IPPK: variants seen among roughly 807,000 people sequenced by gnomAD.
IPPK encodes IPK1 homolog.
Under a neutral mutation model 64.6 loss-of-function variants are expected in IPPK, and 22 were observed. The observed-to-expected ratio is 0.34, with a 90% CI of 0.24 to 0.49. The LOEUF (loss-of-function observed/expected upper bound fraction) is 0.49, where lower values mean the gene tolerates loss of function less well. Among genes scored for constraint, IPPK ranks in the 20% least tolerant of loss-of-function variants. IPPK has a pLI of 0.99. For synonymous variants in IPPK, 262 were observed against 247.2 expected, an observed-to-expected ratio of 1.06 and a Z score of -0.56; for missense variants, 532 against 630.7, an observed-to-expected ratio of 0.84 and a Z score of 1.68.
intron 1 of IPPK, among the ~76,000 whole-genome samples, chr9:92,661,320 A>G (rs1246703936): frequency 6.6e-6 from 1 of 152,230 alleles, no homozygotes; most frequent in Non-Finnish European, 1.5e-5. Context: ...TGTGGGGTGA[A>G]GCCAAGTTTA....
intron 8 of IPPK, among the ~76,000 whole-genome samples, chr9:92,639,398 A>C (rs977251257): frequency 6.6e-6 from 1 of 152,202 alleles, no homozygotes; most frequent in Non-Finnish European, 1.5e-5. Flanking sequence ...GCTGGCTTTC[A>C]ATACTGAACC....
At chr9:92,668,026 T>C (rs1852636840) in intron 1 of IPPK, among the ~76,000 whole-genome samples, 2 of 151,446 alleles carry the variant, frequency 1.3e-5, no homozygotes, top group African/African-American at 2.4e-5. Context: ...TCCCAGCACT[T>C]TGGGAGGCTG....
intron 1 of IPPK, among the ~76,000 whole-genome samples, chr9:92,660,679 G>A (rs1852464883): frequency 6.6e-6 from 1 of 152,140 alleles, no homozygotes; most frequent in Non-Finnish European, 1.5e-5. Flanking sequence ...AAGAACACAG[G>A]ACCCCCCTCC....
At chr9:92,642,722 C>G in intron 7 of IPPK, 30 bp downstream of exon 7, 1 of 1,607,640 alleles carries the variant, frequency 6.2e-7, no homozygotes, top group East Asian at 2.2e-5. Flanking sequence ...GAACCTGACA[C>G]AAGGGGGCAA....
intron 1 of IPPK, among the ~76,000 whole-genome samples, chr9:92,660,874 T>C (rs1341839214): frequency 6.6e-6 from 1 of 152,206 alleles, no homozygotes; most frequent in Non-Finnish European, 1.5e-5. Flanking sequence ...AGAAAGCCAT[T>C]ATCTGGCTTA....
At chr9:92,651,074 C>T (rs367997120) in intron 4 of IPPK, among the ~76,000 whole-genome samples, 60 of 152,262 alleles carry the variant, frequency 3.9e-4, no homozygotes, top group African/African-American at 1.4e-3. Flanking sequence ...CTGCATTCAC[C>T]GAGAGGAAGA....
intron 4 of IPPK, among the ~76,000 whole-genome samples, chr9:92,650,631 T>G (rs1251403471): frequency 6.6e-6 from 1 of 152,146 alleles, no homozygotes; most frequent in African/African-American, 2.4e-5. Context: ...CCTTGGCTGG[T>G]CCCATCTTTA....
At chr9:92,651,517 T>C (rs1564037982) in intron 4 of IPPK, among the ~76,000 whole-genome samples, 2 of 152,206 alleles carry the variant, frequency 1.3e-5, no homozygotes, top group Admixed American at 6.5e-5. Context: ...GACACAGACC[T>C]AGCCTAGACT....
chr9:92,649,599 C>T (rs1354443732), intron 4 of IPPK, 25 bp from the exon 5 acceptor site: 1 of 1,612,954 alleles, frequency 6.2e-7, no homozygotes, highest in African/African-American at 1.3e-5. Context: ...AAGGGTCACA[C>T]AGAGCAAGGT....
chr9:92,627,848 G>A (rs1280584125), intron 11 of IPPK, among the ~76,000 whole-genome samples: 1 of 152,084 alleles, frequency 6.6e-6, no homozygotes, highest in Non-Finnish European at 1.5e-5. Context: ...CTCTAGTCAG[G>A]AAATTACGCA....
chr9:92,643,591 T>TA (rs61473644), intron 6 of IPPK, among the ~76,000 whole-genome samples: 10,265 of 139,758 alleles, frequency 0.073, 409 homozygotes, highest in African/African-American at 0.093. Flanking sequence ...CAATTTTGCT[T>TA]AAAAAAAAAA....
chr9:92,623,079 A>C (rs1418132925), intron 11 of IPPK, among the ~76,000 whole-genome samples: 1 of 152,230 alleles, frequency 6.6e-6, no homozygotes, highest in Admixed American at 6.5e-5. Flanking sequence ...TTAAAAGGGA[A>C]AAAGACTGGT....
intron 1 of IPPK, among the ~76,000 whole-genome samples, chr9:92,664,248 A>G (rs1356779638): frequency 1.3e-5 from 2 of 152,260 alleles, no homozygotes; most frequent in African/African-American, 4.8e-5. Flanking sequence ...AGCGCTCCCA[A>G]GGGTGAGCTT....
chr9:92,638,947 T>C (rs1851996156), intron 8 of IPPK, among the ~76,000 whole-genome samples: 1 of 152,176 alleles, frequency 6.6e-6, no homozygotes, highest in Admixed American at 6.5e-5. Context: ...GTCAACACCA[T>C]GACTCATGGG....
intron 8 of IPPK, among the ~76,000 whole-genome samples, chr9:92,638,933 G>A (rs1030332195): frequency 3.9e-5 from 6 of 152,228 alleles, no homozygotes; most frequent in African/African-American, 1.4e-4. Flanking sequence ...CATGCCCAGG[G>A]GGAGTCAACA....
chr9:92,663,449 G>A (rs535712444), intron 1 of IPPK, among the ~76,000 whole-genome samples: 202 of 152,304 alleles, frequency 1.3e-3, no homozygotes, highest in Non-Finnish European at 2.2e-3. Flanking sequence ...GGTGTTAAGC[G>A]ATGCTTGACA....
intron 8 of IPPK, among the ~76,000 whole-genome samples, 168 bp from the exon 9 acceptor site, chr9:92,638,448 C>G (rs939607785): frequency 9.9e-5 from 15 of 152,228 alleles, no homozygotes; most frequent in African/African-American, 3.6e-4. Flanking sequence ...GGAAATCCAC[C>G]CTCACGAGCT....
chr9:92,654,077 A>T (rs903847799), intron 3 of IPPK, among the ~76,000 whole-genome samples: 2 of 152,188 alleles, frequency 1.3e-5, no homozygotes, highest in African/African-American at 4.8e-5. Flanking sequence ...TCAGGTCCAC[A>T]TACAGGGCAA....
chr9:92,654,658 G>A (rs532333538), intron 3 of IPPK, among the ~76,000 whole-genome samples: 2 of 152,308 alleles, frequency 1.3e-5, no homozygotes, highest in South Asian at 4.1e-4. Context: ...AGGACCAGAG[G>A]GAAAGCCCAC....
Sources: gnomAD v4.1 joint callset for allele counts (sites outside exome capture counted in the v4.1 genomes callset) on GRCh38, gnomAD v4.1.1 for gene constraint, MANE v1.5 for transcripts, NCBI Gene and HGNC (gene_info 2026-07-23, HGNC 2026-07-21) for gene names.